PLEKHG7: variants seen among roughly 807,000 people sequenced by gnomAD.
PLEKHG7 encodes pleckstrin homology domain-containing family G member 7.
A neutral mutation model predicts 85.2 loss-of-function variants in PLEKHG7; 77 were observed. That is an observed-to-expected ratio of 0.90 (90% CI 0.75 to 1.09). PLEKHG7 has a LOEUF of 1.09. Among genes scored for constraint, PLEKHG7 ranks in the 50% least tolerant of loss-of-function variants. PLEKHG7 has a pLI of 0.00. For synonymous variants in PLEKHG7, 301 were observed against 302.4 expected (o/e 1.00, Z 0.05); for missense variants, 777 against 804.3 (o/e 0.97, Z 0.41).
At chr12:92,735,313 A>G (rs969385559) in intron 5 of PLEKHG7, among the ~76,000 whole-genome samples, 1 of 152,220 alleles carries the variant, frequency 6.6e-6, no homozygotes, top group African/African-American at 2.4e-5. Flanking sequence ...TGAGTCTACA[A>G]TAGGTTTCCT....
rs1385862940 is a variant in PLEKHG7 at position 92,754,214 on chromosome 12, C to T, written c.1376C>T (p.Ala459Val). Residue 459 changes from alanine to valine, a missense_variant, in exon 11 of 17, where the codon GCT becomes GTT. Physicochemically the swap from Ala to Val is moderately conservative, Grantham distance 64 (BLOSUM62 0). Around this residue, in one of 3 missense-constraint regions of PLEKHG7, gnomAD observed 520 missense variants for 544.0 expected, o/e 0.96. Transcript: ENST00000344636. Reference sequence around the variant, plus strand: ...ATCTGGAAAAGGAGCATGGACTCTGCTGAGAAAATCATGATCTACTCCATC... The same window carrying T: ...ATCTGGAAAAGGAGCATGGACTCTGTTGAGAAAATCATGATCTACTCCATC... ...KNIWKRSMDS[A>V]EKIMIYSIKE... 9.9e-6 allele frequency: 16 copies of T among 1,613,900 alleles called. No individual in the cohort carries two copies. The highest frequency in any genetic ancestry group is 1.2e-5 in the Non-Finnish European group (14 of 1,179,968).
chr12:92,749,161 T>C (rs1414938550), intron 10 of PLEKHG7, among the ~76,000 whole-genome samples: 1 of 152,164 alleles, frequency 6.6e-6, no homozygotes, highest in Non-Finnish European at 1.5e-5. Flanking sequence ...GACCTATAAA[T>C]GCAGTGGGAT....
chr12:92,747,920 C>T (rs982568475), intron 10 of PLEKHG7, among the ~76,000 whole-genome samples: 2 of 152,006 alleles, frequency 1.3e-5, no homozygotes, highest in South Asian at 4.2e-4. Context: ...GAAGAGAGGT[C>T]GGTTGATGGG....
In PLEKHG7 at chr12:92,769,067, C is replaced by T. The variant is rs746939406; in HGVS notation, c.1955C>T (p.Thr652Met). Residue 652 changes from threonine to methionine, a missense_variant, in exon 16 of 17, where the codon ACG becomes ATG. By Grantham distance (81) the Thr-to-Met change is moderately conservative (BLOSUM62 -1). This residue lies in a region of PLEKHG7 where 520 missense variants were observed against 544.0 expected (regional missense o/e 0.96). Coordinates refer to ENST00000344636, the MANE Select transcript of PLEKHG7 (RefSeq NM_001377329.1). ...CIAAFLLQAQ[T>M]ENIKKTWMAQ... Reference sequence around the variant, plus strand: ...GCAGCATTCTTATTACAAGCCCAAACGGAAAACATCAAAGTATGTATTTTA... The same window carrying T: ...GCAGCATTCTTATTACAAGCCCAAATGGAAAACATCAAAGTATGTATTTTA... The T allele has an allele frequency of 1.0e-5, 16 of 1,579,138 alleles. No individual in the cohort carries two copies. Among genetic ancestry groups the T allele is most frequent in the South Asian group, 2.2e-5 (2 of 89,254 alleles).
intron 11 of PLEKHG7, among the ~76,000 whole-genome samples, chr12:92,755,145 T>C (rs1872792803): frequency 6.6e-6 from 1 of 152,226 alleles, no homozygotes; most frequent in African/African-American, 2.4e-5. Flanking sequence ...TGAGGAAAGA[T>C]AAAGCAGCAC....
chr12:92,744,619 C>A (rs1200296497), intron 9 of PLEKHG7, among the ~76,000 whole-genome samples: 3 of 150,638 alleles, frequency 2.0e-5, no homozygotes, highest in Admixed American at 6.6e-5. Flanking sequence ...GCGCATGCTA[C>A]TAGATACAGT....
chr12:92,727,681 C>T (rs948612517), intron 3 of PLEKHG7, among the ~76,000 whole-genome samples: 1 of 151,990 alleles, frequency 6.6e-6, no homozygotes, highest in African/African-American at 2.4e-5. Context: ...CCTCCACCTC[C>T]AGGTTCAAGC....
At chr12:92,754,692 G>A (rs1235019145) in intron 11 of PLEKHG7, among the ~76,000 whole-genome samples, 1 of 152,130 alleles carries the variant, frequency 6.6e-6, no homozygotes, top group Non-Finnish European at 1.5e-5. Context: ...GGGTCAATAT[G>A]GAACTACTGC....
rs532728056 is a variant in PLEKHG7 at position 92,770,318 on chromosome 12, A to C, written c.*123A>C. ...GAAATTTGCATTTTAAAGAAGTTTC[A>C]GAATTTGAAATTTTGAGCTAGGAAA... On this transcript the variant is annotated 3_prime_UTR_variant, in exon 17 of 17. Transcript: ENST00000344636. 3 of 788,442 alleles carry C rather than the reference A, an allele frequency of 3.8e-6. No individual in the cohort carries two copies. The highest frequency in any genetic ancestry group is 2.8e-5 in the East Asian group (1 of 35,296). 48.8% of individuals were successfully genotyped at this position (788,442 alleles called of 1,614,324 possible). A position where few individuals can be genotyped will look rare whatever the true frequency, so the allele number is the denominator to read the frequency against.
chr12:92,754,960 G>A (rs1872786837), intron 11 of PLEKHG7, among the ~76,000 whole-genome samples: 1 of 151,792 alleles, frequency 6.6e-6, no homozygotes, highest in African/African-American at 2.4e-5. Flanking sequence ...AAAAAAAAAA[G>A]TAAGACTGTT....
At chr12:92,719,503 A>T (rs1236669023) in intron 3 of PLEKHG7, among the ~76,000 whole-genome samples, 3 of 152,204 alleles carry the variant, frequency 2.0e-5, no homozygotes, top group Admixed American at 2.0e-4. Context: ...AGGGCCTGAT[A>T]AGGCTGCCTG....
chr12:92,746,944 A>G (rs990381791), intron 10 of PLEKHG7, among the ~76,000 whole-genome samples: 1 of 152,214 alleles, frequency 6.6e-6, no homozygotes, highest in African/African-American at 2.4e-5. Context: ...AAAACATAAA[A>G]GAAGCACTTG....
At chr12:92,750,966 A>AAAG (rs1872676789) in intron 10 of PLEKHG7, among the ~76,000 whole-genome samples, 1 of 152,196 alleles carries the variant, frequency 6.6e-6, no homozygotes, top group Non-Finnish European at 1.5e-5. Flanking sequence ...ATAAATAAAA[A>AAAG]TAAAACAGTT....
At chr12:92,726,336 A>G (rs1565789076) in intron 3 of PLEKHG7, among the ~76,000 whole-genome samples, 2 of 152,222 alleles carry the variant, frequency 1.3e-5, no homozygotes, top group African/African-American at 4.8e-5. Context: ...AAATCACCCT[A>G]TCCAAAAGGG....
chr12:92,750,766 G>A (rs933259696), intron 10 of PLEKHG7, among the ~76,000 whole-genome samples: 9 of 152,102 alleles, frequency 5.9e-5, no homozygotes, highest in Middle Eastern at 3.4e-3. Context: ...TTCATCTGTC[G>A]TGCTCACTTC....
intron 14 of PLEKHG7, among the ~76,000 whole-genome samples, chr12:92,763,660 T>A (rs1873100611): frequency 6.6e-6 from 1 of 151,514 alleles, no homozygotes; most frequent in Admixed American, 6.6e-5. Flanking sequence ...ACAAAAAAAT[T>A]AAAAAATTAG....
intron 4 of PLEKHG7, among the ~76,000 whole-genome samples, chr12:92,730,723 A>G (rs1565790036): frequency 6.6e-6 from 1 of 152,374 alleles, no homozygotes; most frequent in Non-Finnish European, 1.5e-5. Flanking sequence ...CCCAGCCAGC[A>G]GTCTTTTTTA....
chr12:92,738,178 A>T (rs1592680615), intron 7 of PLEKHG7, among the ~76,000 whole-genome samples: 2 of 152,174 alleles, frequency 1.3e-5, no homozygotes, highest in East Asian at 3.8e-4. Flanking sequence ...TATATTCATG[A>T]TGTCTTTCAT....
At chr12:92,742,183 TA>T (rs1392377448) in intron 9 of PLEKHG7, among the ~76,000 whole-genome samples, 1 of 152,198 alleles carries the variant, frequency 6.6e-6, no homozygotes, top group Non-Finnish European at 1.5e-5. Context: ...GAGAAAAAGA[TA>T]GATTGAGATT....
Sources: gnomAD v4.1 joint callset for allele counts (sites outside exome capture counted in the v4.1 genomes callset) on GRCh38, gnomAD v4.1.1 for gene constraint, gnomAD v4.1.1 regional missense constraint, MANE v1.5 for transcripts, NCBI Gene and HGNC (gene_info 2026-07-23, HGNC 2026-07-21) for gene names.